Variants in CACNA2D3 observed in about 807,000 individuals in gnomAD.
CACNA2D3 encodes voltage-dependent calcium channel subunit alpha-2/delta-3.
Under a neutral mutation model 160.6 loss-of-function variants are expected in CACNA2D3, and 60 were observed. That is an observed-to-expected ratio of 0.37 (90% CI 0.30 to 0.46). The LOEUF (loss-of-function observed/expected upper bound fraction) is 0.46, where lower values mean the gene tolerates loss of function less well. CACNA2D3 is among the 20% of genes least tolerant of loss of function. The pLI is 1.00. For synonymous variants in CACNA2D3, 558 were observed against 492.9 expected, an observed-to-expected ratio of 1.13 and a Z score of -1.75; for missense variants, 1,205 against 1,365.0, an observed-to-expected ratio of 0.88 and a Z score of 1.85.
At chr3:54,618,374 TGCACACACAC>T (rs1575385055) in intron 9 of CACNA2D3, among the ~76,000 whole-genome samples, 8 of 54,586 alleles carry the variant, frequency 1.5e-4, no homozygotes, top group Admixed American at 8.9e-4. Flanking sequence ...TATATATATA[TGCACACACAC>T]ACACACACAC....
intron 2 of CACNA2D3, among the ~76,000 whole-genome samples, chr3:54,204,176 C>G (rs998456656): frequency 5.9e-5 from 9 of 152,074 alleles, no homozygotes; most frequent in Admixed American, 3.9e-4. Context: ...CGAATTACCC[C>G]ACCAGCTTTT....
chr3:54,359,886 G>A (rs533784014), intron 3 of CACNA2D3, among the ~76,000 whole-genome samples: 7 of 152,308 alleles, frequency 4.6e-5, no homozygotes, highest in Non-Finnish European at 7.4e-5. Context: ...GGCCATCTAA[G>A]GTTTGGCAAA....
intron 13 of CACNA2D3, chr3:54,789,781 A>T: frequency 2.0e-6 from 1 of 488,704 alleles, no homozygotes; most frequent in South Asian, 1.5e-5. Context: ...GGATTGAGGC[A>T]GTGTTCACTG....
At chr3:54,633,632 C>A (rs368651279) in intron 10 of CACNA2D3, 24 of 152,184 alleles carry the variant, frequency 1.6e-4, no homozygotes, top group African/African-American at 5.6e-4. Flanking sequence ...ACGACACAAA[C>A]TTCTATGGCT....
chr3:54,186,657 T>C (rs1448080767), intron 2 of CACNA2D3, among the ~76,000 whole-genome samples: 1 of 152,192 alleles, frequency 6.6e-6, no homozygotes, highest in Non-Finnish European at 1.5e-5. Context: ...AGTTTTAAGA[T>C]AATAGAACTG....
chr3:54,504,229 T>C (rs780223900), intron 5 of CACNA2D3, among the ~76,000 whole-genome samples: 1 of 152,192 alleles, frequency 6.6e-6, no homozygotes, highest in Non-Finnish European at 1.5e-5. Context: ...ATTTCCAGGC[T>C]TGTGTGCCTC....
intron 11 of CACNA2D3, among the ~76,000 whole-genome samples, chr3:54,656,388 T>G (rs2106873071): frequency 6.6e-6 from 1 of 152,358 alleles, no homozygotes; most frequent in South Asian, 2.1e-4. Flanking sequence ...GGGACCCCAG[T>G]GAATGGCGGT....
chr3:54,690,320 A>G (rs1351566617), intron 11 of CACNA2D3, among the ~76,000 whole-genome samples: 1 of 152,060 alleles, frequency 6.6e-6, no homozygotes, highest in African/African-American at 2.4e-5. Flanking sequence ...TTTCCTTACT[A>G]CTTTCTTACA....
At chr3:54,243,789 G>A (rs532503553) in intron 2 of CACNA2D3, among the ~76,000 whole-genome samples, 2 of 152,326 alleles carry the variant, frequency 1.3e-5, no homozygotes, top group African/African-American at 4.8e-5. Flanking sequence ...ATTGCTAGCA[G>A]TGTGACTTCA....
intron 17 of CACNA2D3, among the ~76,000 whole-genome samples, chr3:54,848,107 G>C (rs906105263): frequency 6.6e-6 from 1 of 152,200 alleles, no homozygotes; most frequent in Non-Finnish European, 1.5e-5. Flanking sequence ...CTCACAATGT[G>C]AACTGGTCCC....
chr3:54,321,922 CAAA>C (rs1214395409), intron 3 of CACNA2D3, among the ~76,000 whole-genome samples: 3 of 100,700 alleles, frequency 3.0e-5, no homozygotes, highest in Non-Finnish European at 3.9e-5. Context: ...GAAATCCTTG[CAAA>C]AAAAAAAAAA....
intron 4 of CACNA2D3, among the ~76,000 whole-genome samples, chr3:54,421,798 G>C (rs752290532): frequency 1.3e-5 from 2 of 152,104 alleles, no homozygotes; most frequent in East Asian, 3.9e-4. Flanking sequence ...GCGACTTCAC[G>C]TTTCAGGATG....
At chr3:54,472,039 A>G (rs1436928675) in intron 4 of CACNA2D3, among the ~76,000 whole-genome samples, 1 of 152,174 alleles carries the variant, frequency 6.6e-6, no homozygotes, top group Non-Finnish European at 1.5e-5. Context: ...CCTCCCTAAC[A>G]TATTTTGTGA....
intron 35 of CACNA2D3, among the ~76,000 whole-genome samples, chr3:55,052,296 T>A (rs1207539184): frequency 6.6e-6 from 1 of 152,156 alleles, no homozygotes; most frequent in Non-Finnish European, 1.5e-5. Context: ...TTGGGAGCAT[T>A]CTTTGTATAA....
At chr3:54,372,245 A>G (rs1698937106) in intron 3 of CACNA2D3, among the ~76,000 whole-genome samples, 3 of 152,244 alleles carry the variant, frequency 2.0e-5, no homozygotes, top group African/African-American at 4.8e-5. Context: ...AATTGCTGGT[A>G]TTCAACTGTC....
chr3:54,209,288 T>C (rs1701327981), intron 2 of CACNA2D3, among the ~76,000 whole-genome samples: 1 of 152,144 alleles, frequency 6.6e-6, no homozygotes, highest in African/African-American at 2.4e-5. Flanking sequence ...TGGGAGGTCA[T>C]TTGTGTCCTT....
chr3:54,831,639 ACCTAAATT>A (rs1703880149), intron 14 of CACNA2D3, among the ~76,000 whole-genome samples: 1 of 152,208 alleles, frequency 6.6e-6, no homozygotes, highest in Admixed American at 6.5e-5. Context: ...CTTTGCAGGT[ACCTAAATT>A]TCTTCTCTTG....
intron 14 of CACNA2D3, among the ~76,000 whole-genome samples, chr3:54,831,956 T>G (rs1703886993): frequency 6.6e-6 from 1 of 150,874 alleles, no homozygotes; most frequent in Non-Finnish European, 1.5e-5. Context: ...ACAGGTACCC[T>G]CCCGCCCTTT....
At chr3:54,818,326 A>G (rs1703508264) in intron 14 of CACNA2D3, among the ~76,000 whole-genome samples, 1 of 151,924 alleles carries the variant, frequency 6.6e-6, no homozygotes, top group Non-Finnish European at 1.5e-5. Flanking sequence ...TGGGACAGAC[A>G]TGCGCCACCG....
Sources: gnomAD v4.1 joint callset for allele counts (sites outside exome capture counted in the v4.1 genomes callset) on GRCh38, gnomAD v4.1.1 for gene constraint, MANE v1.5 for transcripts, NCBI Gene and HGNC (gene_info 2026-07-23, HGNC 2026-07-21) for gene names.